The following CMIP variants were observed in gnomAD, a reference collection of about 807,000 sequenced individuals.
CMIP encodes C-Maf-inducing protein.
Under a neutral mutation model 97.3 loss-of-function variants are expected in CMIP, and 13 were observed. The observed-to-expected ratio is 0.13, with a 90% CI of 0.09 to 0.21. The LOEUF is 0.21. Among genes scored for constraint, CMIP ranks in the 10% least tolerant of loss-of-function variants. The pLI, the probability that CMIP is intolerant of heterozygous loss-of-function variation, is 1.00. For synonymous variants in CMIP, 538 were observed against 436.3 expected, an observed-to-expected ratio of 1.23 and a Z score of -2.91; for missense variants, 847 against 1,024.9, an observed-to-expected ratio of 0.83 and a Z score of 2.37.
chr16:81,549,405 G>A (rs958324617), intron 1 of CMIP, among the ~76,000 whole-genome samples: 5 of 152,192 alleles, frequency 3.3e-5, no homozygotes, highest in Admixed American at 1.3e-4. Flanking sequence ...GAGGTCAGGA[G>A]CCAGCAGCCG....
intron 1 of CMIP, among the ~76,000 whole-genome samples, chr16:81,461,573 T>C (rs115706648): frequency 0.021 from 3,140 of 152,336 alleles, 81 homozygotes; most frequent in African/African-American, 0.057. Flanking sequence ...CTTCTTTCAC[T>C]GCATAGATTA....
At chr16:81,576,667 C>T (rs1201493972) in intron 1 of CMIP, among the ~76,000 whole-genome samples, 5 of 152,098 alleles carry the variant, frequency 3.3e-5, no homozygotes, top group African/African-American at 7.2e-5. Context: ...TTACCCACTG[C>T]TGTGTACTTG....
intron 1 of CMIP, among the ~76,000 whole-genome samples, chr16:81,483,599 T>TCCTCTTCCTCTCCCTCTCCCTCTC (rs60291163): frequency 2.1e-5 from 3 of 145,596 alleles, no homozygotes; most frequent in African/African-American, 7.7e-5. Context: ...CTCTTCCTCT[T>TCCTCTTCCTCTCCCTCTCCCTCTC]CCTCTCCCTC....
intron 1 of CMIP, among the ~76,000 whole-genome samples, chr16:81,500,807 C>T (rs917460470): frequency 3.3e-5 from 5 of 151,956 alleles, no homozygotes; most frequent in African/African-American, 1.2e-4. Context: ...TGTTTCCTTT[C>T]CCTCCCTCTC....
chr16:81,592,556 A>C (rs987107459), intron 1 of CMIP, among the ~76,000 whole-genome samples: 3 of 151,158 alleles, frequency 2.0e-5, no homozygotes, highest in African/African-American at 4.9e-5. Flanking sequence ...GTTACTTTGC[A>C]CTCCCCATTA....
chr16:81,680,837 C>T (rs1019906347), intron 10 of CMIP, among the ~76,000 whole-genome samples: 4 of 152,238 alleles, frequency 2.6e-5, no homozygotes, highest in Non-Finnish European at 5.9e-5. Flanking sequence ...CCAGTTCCAG[C>T]TGGTTTTTGC....
intron 1 of CMIP, among the ~76,000 whole-genome samples, chr16:81,559,124 A>T (rs1389129366): frequency 1.3e-5 from 2 of 152,062 alleles, no homozygotes; most frequent in Non-Finnish European, 2.9e-5. Flanking sequence ...GTTGGCCTCC[A>T]CAGGCCGGGC....
chr16:81,696,034 G>C (rs1303182462), intron 13 of CMIP: 2 of 176,310 alleles, frequency 1.1e-5, no homozygotes, highest in African/African-American at 2.4e-5. Context: ...AGTCAGTGCT[G>C]GGGGCAGCAG....
At position 81,652,151 on chromosome 16, in the gene CMIP, T is replaced by C; in HGVS notation, c.478-52T>C. On this transcript the variant is annotated intron_variant, in intron 3 of 20. Coordinates refer to ENST00000537098, the MANE Select transcript of CMIP (RefSeq NM_198390.3). The surrounding 1 kb of genome is among the most constrained non-coding windows in gnomAD (Gnocchi z 5.2). ...GATTCTTTGATTGTCTTCCATCTTCTGCCTTCCTTACGTGAGTAACATGTT... is the reference window on the plus strand; with the variant it reads ...GATTCTTTGATTGTCTTCCATCTTCCGCCTTCCTTACGTGAGTAACATGTT... 1 of 1,446,888 alleles carries C rather than the reference T, an allele frequency of 6.9e-7. No individual in the cohort carries two copies. The highest frequency in any genetic ancestry group is 1.2e-5 in the South Asian group (1 of 85,746). 89.6% of individuals were successfully genotyped at this position (1,446,888 alleles called of 1,614,324 possible).
chr16:81,615,419 T>C (rs955001624), intron 2 of CMIP, among the ~76,000 whole-genome samples: 3 of 142,904 alleles, frequency 2.1e-5, no homozygotes, highest in Non-Finnish European at 3.0e-5. Context: ...TGTGTGTGTG[T>C]GCGTGGTGTG....
intron 1 of CMIP, among the ~76,000 whole-genome samples, chr16:81,521,453 C>A (rs2090025911): frequency 6.6e-6 from 1 of 152,036 alleles, no homozygotes; most frequent in South Asian, 2.1e-4. Flanking sequence ...CCGCCAAGGT[C>A]GGCTGCCTCC....
intron 1 of CMIP, among the ~76,000 whole-genome samples, chr16:81,560,409 G>A (rs1208529268): frequency 6.6e-6 from 1 of 151,980 alleles, no homozygotes; most frequent in Non-Finnish European, 1.5e-5. Context: ...TCATAGAGAT[G>A]GGGTTTCACC....
intron 9 of CMIP, among the ~76,000 whole-genome samples, chr16:81,675,985 G>T (rs1904301556): frequency 6.6e-6 from 1 of 152,230 alleles, no homozygotes; most frequent in Non-Finnish European, 1.5e-5. Context: ...GGGAACATTG[G>T]AGAGTCCACA....
Position 81,613,792 on chromosome 16 carries a change from A to G in CMIP, c.426+6100A>G, listed in dbSNP as rs535716201. Among the ~76,000 whole-genome samples the G allele has an allele frequency of 3.9e-5, 6 of 152,318 alleles. No homozygotes were observed. In the South Asian group the frequency reaches 6.2e-4, roughly 16 times the overall value. ...GAATGCCCCATTCATCCATCCATCT[A>G]TCCGCCCACCCATCCATTTATCCAT... is the stretch of plus-strand genomic sequence containing the variant. On this transcript the variant is annotated intron_variant, in intron 2 of 20. Coordinates refer to ENST00000537098, the MANE Select transcript of CMIP (RefSeq NM_198390.3).
intron 1 of CMIP, among the ~76,000 whole-genome samples, chr16:81,471,801 G>A (rs1372943671): frequency 1.3e-5 from 2 of 152,188 alleles, no homozygotes; most frequent in Non-Finnish European, 2.9e-5. Flanking sequence ...GTACAGAGAG[G>A]GCTGCTGAGT....
At chr16:81,699,464 T>C (rs1487309167) in intron 14 of CMIP, among the ~76,000 whole-genome samples, 1 of 152,206 alleles carries the variant, frequency 6.6e-6, no homozygotes, top group Non-Finnish European at 1.5e-5. Flanking sequence ...GACTGGCTTA[T>C]TCCACTCAAC....
chr16:81,460,120 A>T (rs1381814097), intron 1 of CMIP, among the ~76,000 whole-genome samples: 1 of 152,088 alleles, frequency 6.6e-6, no homozygotes, highest in Non-Finnish European at 1.5e-5. Flanking sequence ...CAGAGTCAAC[A>T]CAGGGCCTGT....
chr16:81,469,540 C>A (rs1156659136), intron 1 of CMIP, among the ~76,000 whole-genome samples: 2 of 152,082 alleles, frequency 1.3e-5, no homozygotes, highest in Non-Finnish European at 1.5e-5. Context: ...GCTACTGTTA[C>A]CAAGATTACA....
At position 81,508,999 on chromosome 16, in the gene CMIP, T is replaced by A. The variant is rs149402183; in HGVS notation, c.300+63458T>A. Among the ~76,000 whole-genome samples the A allele has an allele frequency of 6.6e-5, 10 of 152,354 alleles. No homozygotes were observed. In the East Asian group the frequency reaches 1.9e-3, roughly 29 times the overall value. On this transcript the variant is annotated intron_variant, in intron 1 of 20. Coordinates refer to ENST00000537098, the MANE Select transcript of CMIP (RefSeq NM_198390.3). ...TCCAGGAATGAACTCTTGAATACAA[T>A]TCAGGTTCCCTTTCCCTTAGCCTTA...
Sources: gnomAD v4.1 joint callset for allele counts (sites outside exome capture counted in the v4.1 genomes callset) on GRCh38, gnomAD v4.1.1 for gene constraint, Gnocchi (gnomAD v3.1) non-coding constraint, MANE v1.5 for transcripts, NCBI Gene and HGNC (gene_info 2026-07-23, HGNC 2026-07-21) for gene names.